RANBP2: variants seen among roughly 807,000 people sequenced by gnomAD.
The protein encoded by RANBP2 is RAN binding protein 2.
A neutral mutation model predicts 303.6 loss-of-function variants in RANBP2; 57 were observed. That is an observed-to-expected ratio of 0.19 (90% CI 0.15 to 0.23). The LOEUF (loss-of-function observed/expected upper bound fraction) is 0.23. Among genes scored for constraint, RANBP2 ranks in the 10% least tolerant of loss-of-function variants. The pLI, the probability that RANBP2 is intolerant of heterozygous loss-of-function variation, is 1.00. For synonymous variants in RANBP2, 1,167 were observed against 1,301.5 expected, an observed-to-expected ratio of 0.90 and a Z score of 2.23; for missense variants, 3,138 against 3,780.8, an observed-to-expected ratio of 0.83 and a Z score of 4.46.
chr2:109,622,133 G>A, the RANBP2 span, among the ~76,000 whole-genome samples: 1 of 152,080 alleles, frequency 6.6e-6, no homozygotes, highest in African/African-American at 2.4e-5. Flanking sequence ...TAAAAAGCAA[G>A]CTGTTTAACT....
chr2:109,612,800 G>T, the RANBP2 span, among the ~76,000 whole-genome samples: 1 of 152,136 alleles, frequency 6.6e-6, no homozygotes, highest in African/African-American at 2.4e-5. Context: ...GCGATAGAAT[G>T]AAAAGAGACC....
At chr2:109,221,442 G>T in the RANBP2 span, among the ~76,000 whole-genome samples, 1 of 152,172 alleles carries the variant, frequency 6.6e-6, no homozygotes, top group Non-Finnish European at 1.5e-5. Context: ...AATTAGCCAA[G>T]TGTGGTGGTG....
At chr2:109,452,999 G>A in the RANBP2 span, among the ~76,000 whole-genome samples, 2,455 of 151,548 alleles carry the variant, frequency 0.016, 64 homozygotes, top group African/African-American at 0.056. Flanking sequence ...CGGGAGGCTG[G>A]TCCCCGGGAA....
chr2:109,177,077 T>C, the RANBP2 span, among the ~76,000 whole-genome samples: 5 of 152,106 alleles, frequency 3.3e-5, no homozygotes, highest in African/African-American at 1.2e-4. Context: ...TGTTCCAGAG[T>C]CTGAGACAAT....
chr2:109,078,989 TC>T, the RANBP2 span, among the ~76,000 whole-genome samples: 6 of 151,366 alleles, frequency 4.0e-5, no homozygotes, highest in African/African-American at 1.5e-4. Context: ...AGACTCTGTT[TC>T]AAAAAAAAAG....
At chr2:109,008,089 C>T in the RANBP2 span, among the ~76,000 whole-genome samples, 1 of 152,138 alleles carries the variant, frequency 6.6e-6, no homozygotes, top group African/African-American at 2.4e-5. Flanking sequence ...CGGAACTGGC[C>T]CCACACTGAC....
the RANBP2 span, among the ~76,000 whole-genome samples, chr2:109,089,085 G>A: frequency 6.6e-6 from 1 of 152,068 alleles, no homozygotes; most frequent in Admixed American, 6.5e-5. Flanking sequence ...AACAGGGGAA[G>A]CAATGAAGGT....
the RANBP2 span, among the ~76,000 whole-genome samples, chr2:109,483,562 T>G: frequency 6.6e-6 from 1 of 152,262 alleles, no homozygotes; most frequent in East Asian, 1.9e-4. Flanking sequence ...AAACTCATGT[T>G]GCTTCCTTTG....
chr2:109,143,784 A>AAACT, the RANBP2 span, among the ~76,000 whole-genome samples: 1 of 140,668 alleles, frequency 7.1e-6, no homozygotes, highest in East Asian at 2.0e-4. Flanking sequence ...ACAAACAAAC[A>AAACT]AAAGGCTGCC....
At chr2:108,939,721 CTCTT>C in the RANBP2 span, among the ~76,000 whole-genome samples, 64 of 152,338 alleles carry the variant, frequency 4.2e-4, 1 homozygote, top group East Asian at 0.01. Flanking sequence ...AAACCAAGAA[CTCTT>C]TCTTGTTTTC....
chr2:108,935,538 A>C, the RANBP2 span, among the ~76,000 whole-genome samples: 1 of 152,200 alleles, frequency 6.6e-6, no homozygotes, highest in Admixed American at 6.5e-5. Flanking sequence ...ATGTTTAATT[A>C]ATGTTTAATT....
At chr2:109,404,856 C>T in the RANBP2 span, among the ~76,000 whole-genome samples, 5 of 152,302 alleles carry the variant, frequency 3.3e-5, no homozygotes, top group Non-Finnish European at 5.9e-5. Context: ...CTTCCTCATC[C>T]GCCATCTTGA....
chr2:109,599,345 T>C, the RANBP2 span, among the ~76,000 whole-genome samples: 1 of 151,118 alleles, frequency 6.6e-6, no homozygotes, highest in African/African-American at 2.4e-5. Context: ...GTAATCCCAG[T>C]TACTTGGGAG....
the RANBP2 span, among the ~76,000 whole-genome samples, chr2:109,709,972 A>G: frequency 6.6e-6 from 1 of 151,930 alleles, no homozygotes; most frequent in Admixed American, 6.6e-5. Context: ...CTGTAATCCC[A>G]ACTACTTAGG....
chr2:108,729,088 A>G, intron 1 of RANBP2, 44 bp from the exon 2 acceptor site: 1 of 1,547,022 alleles, frequency 6.5e-7, no homozygotes. Flanking sequence ...AATGTTGGAA[A>G]ATATTTCTGT....
At chr2:109,536,267 C>T in the RANBP2 span, among the ~76,000 whole-genome samples, 1 of 152,160 alleles carries the variant, frequency 6.6e-6, no homozygotes, top group East Asian at 1.9e-4. Context: ...TGAAAGCAGC[C>T]ACGAGGGAGG....
chr2:109,251,873 T>C, the RANBP2 span, among the ~76,000 whole-genome samples: 6 of 152,310 alleles, frequency 3.9e-5, no homozygotes, highest in East Asian at 1.2e-3. Context: ...TTTAAGAGGA[T>C]GGGTTCCAGG....
chr2:109,250,887 A>T, the RANBP2 span, among the ~76,000 whole-genome samples: 3 of 152,154 alleles, frequency 2.0e-5, no homozygotes, highest in Non-Finnish European at 2.9e-5. Flanking sequence ...ACCTGGAGTA[A>T]ATCCAAAAAA....
chr2:108,763,970 C>T lies in RANBP2; in HGVS notation c.3431C>T (p.Thr1144Ile), dbSNP rs1676933625. The T allele has an allele frequency of 1.9e-6, 3 of 1,613,952 alleles. No individual in the cohort carries two copies. Among genetic ancestry groups the T allele is most frequent in the Non-Finnish European group, 1.7e-6 (2 of 1,179,984 alleles). Residue 1144 changes from threonine to isoleucine, a missense_variant, in exon 20 of 29, where the codon ACA becomes ATA. Around this residue, in one of 20 missense-constraint regions of RANBP2, gnomAD observed 403 missense variants for 376.7 expected, o/e 1.07. Transcript: ENST00000283195. ...GGTCCAGGGAAATCAGTATTTGGAA[C>T]ACCCACTTTAGAGACAGCAAACAAG... ...FHGPGKSVFG[T>I]PTLETANKNH...
Sources: allele counts gnomAD v4.1 joint callset (sites outside exome capture counted in the v4.1 genomes callset), GRCh38; gene constraint gnomAD v4.1.1; regional missense constraint gnomAD v4.1.1; transcripts MANE v1.5; gene names NCBI Gene and HGNC (gene_info 2026-07-23, HGNC 2026-07-21).